Variants in FBH1 observed in about 807,000 individuals in gnomAD.
FBH1 encodes the protein F-box DNA helicase 1.
A neutral mutation model predicts 115.5 loss-of-function variants in FBH1; 43 were observed. The observed-to-expected ratio is 0.37, with a 90% CI of 0.29 to 0.48. The LOEUF is 0.48. Ranked by LOEUF, FBH1 falls within the 20% of genes least tolerant of loss-of-function variation. FBH1 has a pLI of 0.99. For missense variants in FBH1, 1,001 were observed against 1,337.3 expected (o/e 0.75, Z 3.92); for synonymous variants, 524 against 507.8 (o/e 1.03, Z -0.43).
intron 1 of FBH1, among the ~76,000 whole-genome samples, chr10:5,894,797 A>G (rs1402132437): frequency 6.6e-6 from 1 of 152,218 alleles, no homozygotes; most frequent in African/African-American, 2.4e-5. Context: ...TTAGTCTGGG[A>G]TGGAAGACGT....
rs748299182 is a variant in FBH1, at chr10:5,915,504, C to A, written c.1498C>A (p.Arg500Ser). Residue 500 changes from arginine to serine, a missense_variant, in exon 9 of 21, where the codon CGC (arginine) becomes AGC (serine). This residue lies in a region of FBH1 where 521 missense variants were observed against 811.0 expected (regional missense o/e 0.64). Coordinates refer to ENST00000362091, the MANE Select transcript of FBH1 (RefSeq NM_178150.3). This position sits in a 1 kb window ranked among gnomAD's most constrained non-coding sequence, Gnocchi z 5.2. ...FNKSIAKQAE[R>S]VFPSNVICKT... ...CAAGAGCATCGCAAAGCAGGCCGAACGCGTCTTCCCCAGCAACGTCATCTG... is the reference window on the plus strand; with the variant it reads ...CAAGAGCATCGCAAAGCAGGCCGAAAGCGTCTTCCCCAGCAACGTCATCTG... 6.2e-7 allele frequency: 1 copy of A among 1,614,220 alleles called. No individual in the cohort carries two copies. The highest frequency in any genetic ancestry group is 1.1e-5 in the South Asian group (1 of 91,084).
Position 5,914,233 on chromosome 10 carries a change from G to C in FBH1, c.1360G>C (p.Glu454Gln), listed in dbSNP as rs139848196. Residue 454 changes from glutamate to glutamine, a missense_variant, in exon 8 of 21, where the codon GAA (glutamate) becomes CAA (glutamine). Glu to Gln is a conservative substitution (Grantham distance 29, BLOSUM62 2). Coordinates refer to ENST00000362091, the MANE Select transcript of FBH1 (RefSeq NM_178150.3). This position sits in a 1 kb window ranked among gnomAD's most constrained non-coding sequence, Gnocchi z 5.2. Reference protein sequence around the residue: ...EQQLILNHKMEPLQVVKIMAF... With the variant: ...EQQLILNHKMQPLQVVKIMAF... The stretch of plus-strand genomic sequence containing the variant: ...ACAGCTGATTCTGAATCACAAGATG[G>C]AACCTCTCCAGGTGGTGAAAATTAT... 141 of 1,614,104 alleles carry C rather than the reference G, an allele frequency of 8.7e-5. No homozygotes were observed. Among genetic ancestry groups the C allele is most frequent in the Non-Finnish European group, 1.1e-4 (133 of 1,180,046 alleles).
intron 1 of FBH1, among the ~76,000 whole-genome samples, chr10:5,896,789 C>T (rs1320456918): frequency 6.6e-6 from 1 of 151,966 alleles, no homozygotes. Flanking sequence ...AATTTCATTC[C>T]CTAAAGAATC....
At position 5,933,104 on chromosome 10, in the gene FBH1, T is replaced by C. The variant is rs1338073980; in HGVS notation, c.2830-3352T>C. 1.3e-5 allele frequency among the ~76,000 whole-genome samples: 2 copies of C among 152,190 alleles called. No homozygotes were observed. Among genetic ancestry groups the C allele is most frequent in the East Asian group, 3.9e-4 (2 of 5,154 alleles). On this transcript the variant is annotated intron_variant, in intron 19 of 20. Transcript: ENST00000362091. The surrounding 1 kb of genome is among the most constrained non-coding windows in gnomAD (Gnocchi z 4.9). Reference sequence around the variant, plus strand: ...ACCAGTTGTATGCATAAGAGTGAAATAGGCCCGGCGCAGTAGCTCACACCT... The same window carrying C: ...ACCAGTTGTATGCATAAGAGTGAAACAGGCCCGGCGCAGTAGCTCACACCT...
rs1347978499 is a variant in FBH1, at chr10:5,932,249, A to G, written c.2830-4207A>G. On this transcript the variant is annotated intron_variant, in intron 19 of 20. Coordinates refer to ENST00000362091, the MANE Select transcript of FBH1 (RefSeq NM_178150.3). The surrounding 1 kb of genome is among the most constrained non-coding windows in gnomAD (Gnocchi z 5.9). The stretch of plus-strand genomic sequence containing the variant: ...CCATTGGTAGTTATTTTAAACAATT[A>G]GCGATTAATCCTTCAGTATTTCTTT... Among the ~76,000 whole-genome samples the G allele has an allele frequency of 1.3e-5, 2 of 152,348 alleles. No individual in the cohort carries two copies. The highest frequency in any genetic ancestry group is 3.9e-4 in the East Asian group (2 of 5,194).
intron 1 of FBH1, among the ~76,000 whole-genome samples, chr10:5,893,606 C>G (rs551521806): frequency 6.6e-6 from 1 of 152,244 alleles, no homozygotes; most frequent in African/African-American, 2.4e-5. Flanking sequence ...CAAGACTCAA[C>G]TCTTCGTGAA....
chr10:5,925,809 A>T lies in FBH1; in HGVS notation c.2722+317A>T, dbSNP rs1312382948. Among the ~76,000 whole-genome samples, 1 of 152,234 alleles carries T rather than the reference A, an allele frequency of 6.6e-6. No individual in the cohort carries two copies. The highest frequency in any genetic ancestry group is 2.4e-5 in the African/African-American group (1 of 41,464). On this transcript the variant is annotated intron_variant, in intron 18 of 20. Coordinates refer to ENST00000362091, the MANE Select transcript of FBH1 (RefSeq NM_178150.3). This position sits in a 1 kb window ranked among gnomAD's most constrained non-coding sequence, Gnocchi z 4.6. The stretch of plus-strand genomic sequence containing the variant: ...CATCAGACTTTGAGTCTCCAGCCTC[A>T]TGAAAGCTTTAAAATATAGTTTACT...
chr10:5,916,688 T>G (rs1831979970), intron 10 of FBH1, among the ~76,000 whole-genome samples: 1 of 148,672 alleles, frequency 6.7e-6, no homozygotes, highest in Non-Finnish European at 1.5e-5. Context: ...GTGTTAGGGA[T>G]CTGAGGATGG....
chr10:5,891,240 C>T, intron 1 of FBH1: 1 of 916,156 alleles, frequency 1.1e-6, no homozygotes, highest in Non-Finnish European at 1.3e-6. Flanking sequence ...GAAGATAAGT[C>T]CGTTTTACTC....
chr10:5,915,681 A>G lies in FBH1; in HGVS notation c.1565+110A>G. 1.0e-6 allele frequency: 1 copy of G among 969,944 alleles called. No individual in the cohort carries two copies. The allele number at this position is 969,944 out of a possible 1,614,324, so 60.1% of individuals were successfully genotyped here. A position where few individuals can be genotyped will look rare whatever the true frequency, so the allele number is the denominator to read the frequency against. ...ACACCACAGTGACCCCGAGGAGTGT[A>G]GTGCTGTTATCTCCACTTACAGGCA... On this transcript the variant is annotated intron_variant, in intron 9 of 20. Transcript: ENST00000362091. The surrounding 1 kb of genome is among the most constrained non-coding windows in gnomAD (Gnocchi z 5.2).
In FBH1 at chr10:5,906,295, G is replaced by A. The variant is rs1368233626; in HGVS notation, c.416G>A (p.Arg139Gln). ...EESNQATGTS[R>Q]WDGVSKKAPR... ...AGTAACCAGGCTACCGGGACCAGCC[G>A]GTGGGATGGAGTTTCTAAGAAAGCT... The change falls in exon 3 of 21, where the codon CGG becomes CAG. Residue 139 changes from arginine (R) to glutamine (Q), a missense_variant. This residue lies in a region of FBH1 where 420 missense variants were observed against 430.4 expected (regional missense o/e 0.98). Transcript: ENST00000362091. The surrounding 1 kb of genome is among the most constrained non-coding windows in gnomAD (Gnocchi z 7.3). The A allele has an allele frequency of 1.1e-5, 17 of 1,614,098 alleles. No individual in the cohort carries two copies. The highest frequency in any genetic ancestry group is 3.3e-5 in the South Asian group (3 of 91,088).
intron 2 of FBH1, 136 bp from the exon 3 acceptor site, chr10:5,905,901 T>C (rs750208683): frequency 3.2e-6 from 2 of 615,770 alleles, no homozygotes; most frequent in Non-Finnish European, 5.8e-6. Context: ...ATATAATCAG[T>C]TGGCCCATAA....
chr10:5,933,642 GT>G lies in FBH1; in HGVS notation c.2830-2798del, dbSNP rs371766916. Among the ~76,000 whole-genome samples, 9,143 of 143,304 alleles carry G rather than the reference GT, an allele frequency of 0.064. 399 individuals carry two copies. Among genetic ancestry groups the G allele is most frequent in the East Asian group, 0.19 (934 of 4,928 alleles). 94.0% of individuals were successfully genotyped at this position (143,304 alleles called of 152,430 possible). A position where few individuals can be genotyped will look rare whatever the true frequency, so the allele number is the denominator to read the frequency against. The stretch of plus-strand genomic sequence containing the variant: ...TTGTTAGAAGTGGAGGCACTCTGCT[GT>G]TTTTTTTTTTTTTTTAAAAAACAGA... On this transcript the variant is annotated intron_variant, in intron 19 of 20. Transcript: ENST00000362091. This position sits in a 1 kb window ranked among gnomAD's most constrained non-coding sequence, Gnocchi z 4.9.
chr10:5,925,197 G>T lies in FBH1; in HGVS notation c.2597-170G>T. The T allele has an allele frequency of 5.2e-6, 4 of 772,788 alleles. No individual in the cohort carries two copies. The highest frequency in any genetic ancestry group is 1.9e-5 in the South Asian group (1 of 52,050). 47.9% of individuals were successfully genotyped at this position (772,788 alleles called of 1,614,324 possible). A position where few individuals can be genotyped will look rare whatever the true frequency, so the allele number is the denominator to read the frequency against. On this transcript the variant is annotated intron_variant, in intron 17 of 20. Transcript: ENST00000362091. This position sits in a 1 kb window ranked among gnomAD's most constrained non-coding sequence, Gnocchi z 4.6. The stretch of plus-strand genomic sequence containing the variant: ...TCGTCTTTTTCTTTTTTCTGTTCCC[G>T]ACAGTTGTCTGTTCCCGACAGTTGT...
At position 5,911,197 on chromosome 10, in the gene FBH1, A is replaced by C. The variant is rs1831567634; in HGVS notation, c.1211+69A>C. ...GAGTCCCAGACACAGCAGCAGGTCC[A>C]GCCCTGCCACTTAGCAGTGTTAGCA... is the stretch of plus-strand genomic sequence containing the variant. On this transcript the variant is annotated intron_variant, in intron 6 of 20. Coordinates refer to ENST00000362091, the MANE Select transcript of FBH1 (RefSeq NM_178150.3). The surrounding 1 kb of genome is among the most constrained non-coding windows in gnomAD (Gnocchi z 5.4). The C allele has an allele frequency of 1.4e-6, 2 of 1,473,244 alleles. No individual in the cohort carries two copies. Among genetic ancestry groups the C allele is most frequent in the Non-Finnish European group, 1.8e-6 (2 of 1,083,714 alleles). The allele number at this position is 1,473,244 out of a possible 1,614,324, so 91.3% of individuals were successfully genotyped here. A position where few individuals can be genotyped will look rare whatever the true frequency, so the allele number is the denominator to read the frequency against.
intron 18 of FBH1, among the ~76,000 whole-genome samples, chr10:5,926,107 ATTC>A (rs1832633949): frequency 8.0e-6 from 1 of 124,668 alleles, no homozygotes; most frequent in Admixed American, 9.3e-5. Context: ...TATTATTCTT[ATTC>A]TTATTCTTCT....
rs1044562074 is a variant in FBH1 at position 5,921,373 on chromosome 10, A to C, written c.2200+16A>C. On this transcript the variant is annotated intron_variant, in intron 14 of 20. Coordinates refer to ENST00000362091, the MANE Select transcript of FBH1 (RefSeq NM_178150.3). This position sits in a 1 kb window ranked among gnomAD's most constrained non-coding sequence, Gnocchi z 6.4. ...AACCATCAGAGTAAGGCTTTTAGTT[A>C]CTCTTCTCTTTTGTGTTACAAAAGT... 1.9e-6 allele frequency: 3 copies of C among 1,612,374 alleles called. No individual in the cohort carries two copies. In the African/African-American group the frequency reaches 4.0e-5, roughly 22 times the overall value.
rs1832073422 is a variant in FBH1, at chr10:5,917,934, GC to G, written c.1963+259del. Among the ~76,000 whole-genome samples, 1 of 152,218 alleles carries G rather than the reference GC, an allele frequency of 6.6e-6. No individual in the cohort carries two copies. Among genetic ancestry groups the G allele is most frequent in the South Asian group, 2.1e-4 (1 of 4,824 alleles). On this transcript the variant is annotated intron_variant, in intron 12 of 20. Transcript: ENST00000362091. This position sits in a 1 kb window ranked among gnomAD's most constrained non-coding sequence, Gnocchi z 5.6. ...GCAGACGACAGGGACCTAGACTCAT[GC>G]TCTGTGGGAAGAGATCGTCCATTGA...
rs1227439399 is a variant in FBH1 at position 5,921,978 on chromosome 10, CACA to C, written c.2322+412_2322+414del. Among the ~76,000 whole-genome samples the C allele has an allele frequency of 6.6e-6, 1 of 152,208 alleles. No homozygotes were observed. Among genetic ancestry groups the C allele is most frequent in the African/African-American group, 2.4e-5 (1 of 41,456 alleles). On this transcript the variant is annotated intron_variant, in intron 15 of 20. Coordinates refer to ENST00000362091, the MANE Select transcript of FBH1 (RefSeq NM_178150.3). This position sits in a 1 kb window ranked among gnomAD's most constrained non-coding sequence, Gnocchi z 6.4. ...TAACCGTGTGTGGCTTGGGGCAAGT[CACA>C]ACTTCTGTATGCCTCATTCTCTCCA... is the stretch of plus-strand genomic sequence containing the variant.
Sources: allele counts gnomAD v4.1 joint callset (sites outside exome capture counted in the v4.1 genomes callset), GRCh38; gene constraint gnomAD v4.1.1; regional missense constraint gnomAD v4.1.1; non-coding constraint Gnocchi (gnomAD v3.1); transcripts MANE v1.5; gene names NCBI Gene and HGNC (gene_info 2026-07-23, HGNC 2026-07-21).